SUMO2: variants seen among roughly 807,000 people sequenced by gnomAD.
The protein encoded by SUMO2 is small ubiquitin-related modifier 2.
SUMO2 carries 1 observed loss-of-function variant against 16.0 expected under a neutral mutation model. The ratio of observed to expected loss-of-function variants is 0.06; its 90% CI spans 0.02 to 0.30. The LOEUF is 0.30. Ranked by LOEUF, SUMO2 falls within the 10% of genes least tolerant of loss-of-function variation. SUMO2 has a pLI of 1.00. For missense variants in SUMO2, 16 were observed against 117.5 expected, an observed-to-expected ratio of 0.14 and a Z score of 3.99; for synonymous variants, 36 against 40.6, an observed-to-expected ratio of 0.89 and a Z score of 0.43.
chr17:75,174,237 A>G (rs1233006257), intron 3 of SUMO2, among the ~76,000 whole-genome samples: 3 of 152,094 alleles, frequency 2.0e-5, no homozygotes, highest in Non-Finnish European at 4.4e-5. Flanking sequence ...CAAAAATACA[A>G]AAATTAGCCA....
chr17:75,177,330 C>CATGATCAACAGAGCAAG (rs1568047928), intron 2 of SUMO2, among the ~76,000 whole-genome samples: 3 of 151,256 alleles, frequency 2.0e-5, no homozygotes, highest in Non-Finnish European at 2.9e-5. Flanking sequence ...CATGCCACTG[C>CATGATCAACAGAGCAAG]ACTCCAGCCT....
At chr17:75,170,647 G>A (rs558668827) in intron 3 of SUMO2, among the ~76,000 whole-genome samples, 5 of 151,172 alleles carry the variant, frequency 3.3e-5, no homozygotes, top group African/African-American at 1.2e-4. Flanking sequence ...TCAGTCATTC[G>A]AGACCAGCCT....
At chr17:75,175,382 G>A (rs553307517) in intron 2 of SUMO2, among the ~76,000 whole-genome samples, 1 of 151,602 alleles carries the variant, frequency 6.6e-6, no homozygotes, top group African/African-American at 2.4e-5. Context: ...GGGCAGTGTC[G>A]CGATCTCGGC....
intron 3 of SUMO2, among the ~76,000 whole-genome samples, chr17:75,171,316 T>C (rs1029298958): frequency 2.0e-5 from 3 of 150,942 alleles, no homozygotes; most frequent in African/African-American, 4.9e-5. Flanking sequence ...ACTCCGTCAA[T>C]ACAGAAAATA....
chr17:75,172,515 T>A (rs545811435), intron 3 of SUMO2, among the ~76,000 whole-genome samples: 8 of 145,978 alleles, frequency 5.5e-5, no homozygotes, highest in Non-Finnish European at 1.1e-4. Flanking sequence ...TGAGTTTCGC[T>A]CGTTACCCAT....
chr17:75,166,647 G>A lies in SUMO2; in HGVS notation c.*1692C>T, dbSNP rs1327341896. 1 of 152,178 alleles carries A rather than the reference G, an allele frequency of 6.6e-6. No homozygotes were observed. Among genetic ancestry groups the A allele is most frequent in the Admixed American group, 6.6e-5 (1 of 15,248 alleles). 9.4% of individuals were successfully genotyped at this position (152,178 alleles called of 1,614,324 possible). On this transcript the variant is annotated 3_prime_UTR_variant, in exon 4 of 4. Transcript: ENST00000420826. ...ATAAAAAATACAAGAATTAGCTGTG[G>A]TGGCATGCACCTGCGGTTCTAGCTA...
chr17:75,179,782 C>T (rs1001054052), intron 2 of SUMO2, among the ~76,000 whole-genome samples: 3 of 151,860 alleles, frequency 2.0e-5, no homozygotes, highest in African/African-American at 4.8e-5. Flanking sequence ...CCTCAGCCTC[C>T]GGAGTAGGTG....
chr17:75,173,728 T>C (rs1208097233), intron 3 of SUMO2, among the ~76,000 whole-genome samples: 2 of 152,156 alleles, frequency 1.3e-5, no homozygotes, highest in African/African-American at 4.8e-5. Flanking sequence ...CCGCCCACCT[T>C]GGCGTCACAG....
intron 2 of SUMO2, among the ~76,000 whole-genome samples, chr17:75,180,392 T>TTAA (rs749702677): frequency 4.5e-5 from 2 of 44,874 alleles, no homozygotes; most frequent in Non-Finnish European, 7.7e-5. Context: ...ACTCCCAGCT[T>TTAA]AAAAAAAAAA....
At chr17:75,181,786 A>G (rs1168942244) in intron 1 of SUMO2, among the ~76,000 whole-genome samples, 1 of 152,108 alleles carries the variant, frequency 6.6e-6, no homozygotes, top group Non-Finnish European at 1.5e-5. Flanking sequence ...CTCCTCTATT[A>G]GCAGCTTCAT....
At chr17:75,175,458 C>A (rs2074774912) in intron 2 of SUMO2, among the ~76,000 whole-genome samples, 1 of 149,812 alleles carries the variant, frequency 6.7e-6, no homozygotes, top group African/African-American at 2.5e-5. Context: ...TTAGCTGGGA[C>A]TAGGCAGGCG....
At position 75,166,006 on chromosome 17, in the gene SUMO2, A is replaced by T. The variant is rs2074689861; in HGVS notation, c.*2333T>A. ...GCGCCACTGCACTCCAGCCTGGGCG[A>T]CAGAGCAAGACTCCGTCTGAAAAAA... On this transcript the variant is annotated 3_prime_UTR_variant, in exon 4 of 4. Coordinates refer to ENST00000420826, the MANE Select transcript of SUMO2 (RefSeq NM_006937.4). The T allele has an allele frequency of 6.6e-6, 1 of 152,364 alleles. No homozygotes were observed. Among genetic ancestry groups the T allele is most frequent in the East Asian group, 2.0e-4 (1 of 5,120 alleles). The allele number at this position is 152,364 out of a possible 1,614,324, so 9.4% of individuals were successfully genotyped here. A position where few individuals can be genotyped will look rare whatever the true frequency, so the allele number is the denominator to read the frequency against.
At position 75,182,923 on chromosome 17, in the gene SUMO2, CAGA is replaced by C. The variant is rs1360371080; in HGVS notation, c.-92_-90del. 30 of 1,162,662 alleles carry C rather than the reference CAGA, an allele frequency of 2.6e-5. No individual in the cohort carries two copies. Among genetic ancestry groups the C allele is most frequent in the Admixed American group, 4.1e-5 (1 of 24,132 alleles). The allele number at this position is 1,162,662 out of a possible 1,614,324, so 72.0% of individuals were successfully genotyped here. On this transcript the variant is annotated 5_prime_UTR_variant, in exon 1 of 4. Transcript: ENST00000420826. Reference sequence around the variant, plus strand: ...AGCACACAAGCAGCACCAGGAGCGGCAGAAGAAGGAGGCGGCAGCGGTGGACGA... The same window carrying C: ...AGCACACAAGCAGCACCAGGAGCGGCAGAAGGAGGCGGCAGCGGTGGACGA...
At chr17:75,179,177 T>C (rs1002324200) in intron 2 of SUMO2, among the ~76,000 whole-genome samples, 3 of 152,180 alleles carry the variant, frequency 2.0e-5, no homozygotes, top group African/African-American at 7.2e-5. Context: ...TTATAAATTA[T>C]TTAACACAAT....
chr17:75,176,363 T>C (rs993368854), intron 2 of SUMO2, among the ~76,000 whole-genome samples: 1 of 152,082 alleles, frequency 6.6e-6, no homozygotes, highest in Non-Finnish European at 1.5e-5. Context: ...GCTCACACTG[T>C]AATTCCAACA....
rs985531294 is a variant in SUMO2, at chr17:75,182,805, C to A, written c.21+9G>T. ...CGCGGCGAGGCGAAGGGGCCGGCGG[C>A]GAGCTCACCTTGGGCTTTTCGTCGG... On this transcript the variant is annotated intron_variant, in intron 1 of 3. Transcript: ENST00000420826. 1 of 1,385,384 alleles carries A rather than the reference C, an allele frequency of 7.2e-7. No homozygotes were observed. The highest frequency in any genetic ancestry group is 1.8e-5 in the South Asian group (1 of 56,646). The allele number at this position is 1,385,384 out of a possible 1,614,324, so 85.8% of individuals were successfully genotyped here. A position where few individuals can be genotyped will look rare whatever the true frequency, so the allele number is the denominator to read the frequency against.
At chr17:75,175,805 G>C (rs542544126) in intron 2 of SUMO2, among the ~76,000 whole-genome samples, 2 of 150,310 alleles carry the variant, frequency 1.3e-5, no homozygotes, top group Middle Eastern at 3.6e-3. Context: ...GCTAATTTTT[G>C]TGTTTTTAGT....
chr17:75,180,279 AC>A (rs925406987), intron 2 of SUMO2, among the ~76,000 whole-genome samples: 1 of 151,640 alleles, frequency 6.6e-6, no homozygotes, highest in African/African-American at 2.4e-5. Flanking sequence ...GCACCACTGC[AC>A]TCCAGCCTGG....
At chr17:75,176,846 C>A (rs1308454309) in intron 2 of SUMO2, among the ~76,000 whole-genome samples, 2 of 152,032 alleles carry the variant, frequency 1.3e-5, no homozygotes, top group African/African-American at 4.8e-5. Context: ...CAGTAAGTAT[C>A]AGTGGCATAA....
Sources: gnomAD v4.1 joint callset for allele counts (sites outside exome capture counted in the v4.1 genomes callset) on GRCh38, gnomAD v4.1.1 for gene constraint, MANE v1.5 for transcripts, NCBI Gene and HGNC (gene_info 2026-07-23, HGNC 2026-07-21) for gene names.